Variants in UBL3 observed in about 807,000 individuals in gnomAD.
UBL3 encodes the protein ubiquitin like 3.
A neutral mutation model predicts 18.4 loss-of-function variants in UBL3; 6 were observed. That is an observed-to-expected ratio of 0.33 (90% CI 0.18 to 0.64). The LOEUF (loss-of-function observed/expected upper bound fraction) is 0.64, where lower values mean the gene tolerates loss of function less well. Ranked by LOEUF, UBL3 falls within the 30% of genes least tolerant of loss-of-function variation. The pLI is 0.76. For synonymous variants in UBL3, 49 were observed against 46.6 expected (o/e 1.05, Z -0.21); for missense variants, 109 against 142.9 (o/e 0.76, Z 1.21).
At chr13:29,820,528 A>G (rs1277230429) in intron 1 of UBL3, among the ~76,000 whole-genome samples, 1 of 151,558 alleles carries the variant, frequency 6.6e-6, no homozygotes. Flanking sequence ...AGTTTAGGAT[A>G]CTCCCCAGAT....
At chr13:29,836,721 A>G (rs1223478174) in intron 1 of UBL3, among the ~76,000 whole-genome samples, 1 of 152,148 alleles carries the variant, frequency 6.6e-6, no homozygotes, top group Non-Finnish European at 1.5e-5. Flanking sequence ...TGTACCACCA[A>G]AGGGCCAGGA....
At chr13:29,796,078 G>C (rs1344945501) in intron 1 of UBL3, among the ~76,000 whole-genome samples, 1 of 152,086 alleles carries the variant, frequency 6.6e-6, no homozygotes, top group African/African-American at 2.4e-5. Flanking sequence ...TACCGCAAAG[G>C]AAGAAGCATG....
chr13:29,843,167 G>C (rs1248082280), intron 1 of UBL3, among the ~76,000 whole-genome samples: 2 of 151,996 alleles, frequency 1.3e-5, no homozygotes, highest in Non-Finnish European at 2.9e-5. Flanking sequence ...ACATTTTTTT[G>C]ACTGAAGATC....
chr13:29,817,967 T>G (rs1026024998), intron 1 of UBL3, among the ~76,000 whole-genome samples: 4 of 152,212 alleles, frequency 2.6e-5, no homozygotes, highest in African/African-American at 7.2e-5. Context: ...CAGCAAAACT[T>G]TATTTTTTAA....
Position 29,835,100 on chromosome 13 carries a change from AT to A in UBL3, c.27+14411del, listed in dbSNP as rs1878893174. 4.5e-3 allele frequency among the ~76,000 whole-genome samples: 90 copies of A among 20,068 alleles called. 4 individuals are homozygous for A. The highest frequency in any genetic ancestry group is 4.3e-3 in the East Asian group (2 of 470). The allele number at this position is 20,068 out of a possible 152,430, so 13.2% of individuals were successfully genotyped here. ...AATATATAAATATAAATATATATAT[AT>A]ATATAAATATATATATATATATAAA... On this transcript the variant is annotated intron_variant, in intron 1 of 4. Transcript: ENST00000380680.
chr13:29,822,699 G>A (rs779683238), intron 1 of UBL3, among the ~76,000 whole-genome samples: 31 of 152,106 alleles, frequency 2.0e-4, no homozygotes, highest in Non-Finnish European at 4.3e-4. Flanking sequence ...CACCACACCT[G>A]GCCAAAGACT....
Position 29,839,406 on chromosome 13 carries a change from T to C in UBL3, c.27+10106A>G, listed in dbSNP as rs994354286. 4.6e-5 allele frequency among the ~76,000 whole-genome samples: 7 copies of C among 152,254 alleles called. No homozygotes were observed. In the East Asian group the frequency reaches 1.2e-3, roughly 25 times the overall value. On this transcript the variant is annotated intron_variant, in intron 1 of 4. Transcript: ENST00000380680. ...CTTTATTGAATGATAATAAAAATAA[T>C]ATACAACAAACTTGTAAGATCCATC...
intron 1 of UBL3, among the ~76,000 whole-genome samples, chr13:29,800,601 T>TA (rs1458160474): frequency 6.6e-6 from 1 of 151,704 alleles, no homozygotes. Flanking sequence ...TTAATACAAC[T>TA]AAAAAAAAGA....
At chr13:29,835,107 AATATAT>A (rs777840058) in intron 1 of UBL3, among the ~76,000 whole-genome samples, 1 of 23,796 alleles carries the variant, frequency 4.2e-5, no homozygotes, top group Non-Finnish European at 7.1e-5. Context: ...TATATATATA[AATATAT>A]ATATATATAT....
At chr13:29,830,657 G>A (rs979321204) in intron 1 of UBL3, among the ~76,000 whole-genome samples, 9 of 152,124 alleles carry the variant, frequency 5.9e-5, no homozygotes, top group Non-Finnish European at 5.9e-5. Context: ...GATTAAAAAG[G>A]AATAATTTCA....
rs909168012 is a variant in UBL3, at chr13:29,765,746, A to G, written c.*1509T>C. The G allele has an allele frequency of 3.3e-5, 5 of 152,594 alleles. No homozygotes were observed. Among genetic ancestry groups the G allele is most frequent in the Admixed American group, 2.0e-4 (3 of 15,264 alleles). 9.5% of individuals were successfully genotyped at this position (152,594 alleles called of 1,614,324 possible). On this transcript the variant is annotated 3_prime_UTR_variant, in exon 5 of 5. Transcript: ENST00000380680. Reference sequence around the variant, plus strand: ...AAATTTAATTCTGATCAGTATGAACAATATTTTCGTAGATCTACTGCATAT... The same window carrying G: ...AAATTTAATTCTGATCAGTATGAACGATATTTTCGTAGATCTACTGCATAT...
chr13:29,799,616 C>T (rs952006832), intron 1 of UBL3, among the ~76,000 whole-genome samples: 1 of 152,084 alleles, frequency 6.6e-6, no homozygotes, highest in African/African-American at 2.4e-5. Context: ...AGTGGTTCTT[C>T]AAAGCGGTAC....
intron 1 of UBL3, among the ~76,000 whole-genome samples, chr13:29,847,477 TCCTACTTCC>T (rs986908264): frequency 1.3e-5 from 2 of 152,212 alleles, no homozygotes; most frequent in African/African-American, 4.8e-5. Context: ...AAAACCCTGC[TCCTACTTCC>T]CAGTCCTCTG....
chr13:29,806,613 T>C (rs2139337293), intron 1 of UBL3, among the ~76,000 whole-genome samples: 1 of 152,338 alleles, frequency 6.6e-6, no homozygotes, highest in South Asian at 2.1e-4. Flanking sequence ...ATATATTTAC[T>C]GACCCCAGTC....
At chr13:29,794,034 T>G (rs1408413344) in intron 1 of UBL3, among the ~76,000 whole-genome samples, 4 of 152,024 alleles carry the variant, frequency 2.6e-5, no homozygotes, top group Non-Finnish European at 4.4e-5. Flanking sequence ...TTAGTAGAGA[T>G]AAGGTTTCGC....
chr13:29,813,754 C>T (rs1181365846), intron 1 of UBL3, among the ~76,000 whole-genome samples: 1 of 152,036 alleles, frequency 6.6e-6, no homozygotes, highest in Non-Finnish European at 1.5e-5. Flanking sequence ...GGGTCCTGAA[C>T]AAATCCTTCC....
At chr13:29,777,429 T>C in intron 1 of UBL3, 166 bp from the exon 2 acceptor site, 1 of 694,330 alleles carries the variant, frequency 1.4e-6, no homozygotes, top group Non-Finnish European at 2.6e-6. Flanking sequence ...GGGAATTTGA[T>C]ATTTGATTTT....
intron 1 of UBL3, among the ~76,000 whole-genome samples, chr13:29,830,976 A>AC (rs1878756225): frequency 6.6e-6 from 1 of 152,168 alleles, no homozygotes; most frequent in Non-Finnish European, 1.5e-5. Context: ...GTTGTTGACA[A>AC]ATCTGCCTCC....
At position 29,827,723 on chromosome 13, in the gene UBL3, T is replaced by C. The variant is rs557869440; in HGVS notation, c.27+21789A>G. 7.3e-4 allele frequency among the ~76,000 whole-genome samples: 111 copies of C among 152,362 alleles called. 1 individual carries two copies. Among genetic ancestry groups the C allele is most frequent in the South Asian group, 1.2e-3 (6 of 4,832 alleles). On this transcript the variant is annotated intron_variant, in intron 1 of 4. Transcript: ENST00000380680. ...ATGTGTGAATTTGATCCTGTCATTATGATGTTAGCTGGTTAGTTTGCTCAT... is the reference window on the plus strand; with the variant it reads ...ATGTGTGAATTTGATCCTGTCATTACGATGTTAGCTGGTTAGTTTGCTCAT...
Sources: allele counts gnomAD v4.1 joint callset (sites outside exome capture counted in the v4.1 genomes callset), GRCh38; gene constraint gnomAD v4.1.1; transcripts MANE v1.5; gene names NCBI Gene and HGNC (gene_info 2026-07-23, HGNC 2026-07-21).